Variants in SLC46A3 observed in about 807,000 individuals in gnomAD.
The protein encoded by SLC46A3 is lysosomal proton-coupled steroid conjugate and bile acid symporter SLC46A3.
A neutral mutation model predicts 38.5 loss-of-function variants in SLC46A3; 26 were observed. The observed-to-expected ratio is 0.68, with a 90% CI of 0.49 to 0.94. The LOEUF (loss-of-function observed/expected upper bound fraction) is 0.94, where lower values mean the gene tolerates loss of function less well. Among genes scored for constraint, SLC46A3 ranks in the 40% least tolerant of loss-of-function variants. SLC46A3 has a pLI of 0.00. For missense variants in SLC46A3, 510 were observed against 544.3 expected, an observed-to-expected ratio of 0.94 and a Z score of 0.63; for synonymous variants, 185 against 192.5, an observed-to-expected ratio of 0.96 and a Z score of 0.32.
At chr13:28,712,563 G>T in intron 3 of SLC46A3, 117 bp downstream of exon 3, 3 of 1,046,112 alleles carry the variant, frequency 2.9e-6, no homozygotes, top group East Asian at 2.9e-5. Flanking sequence ...CCCTTTAATT[G>T]AACTAGAATG....
chr13:28,710,885 G>C lies in SLC46A3; in HGVS notation c.1061-42C>G, dbSNP rs751246061. On this transcript the variant is annotated intron_variant, in intron 3 of 5. Transcript: ENST00000266943. ...TCAAAATCACTGGCTGATTCTGAAA[G>C]CTAATGGCCAATTTAAAATAGGAAA... is the stretch of plus-strand genomic sequence containing the variant. The C allele has an allele frequency of 7.1e-6, 10 of 1,416,384 alleles. No individual in the cohort carries two copies. In the Middle Eastern group the frequency reaches 7.0e-4, roughly 100 times the overall value. 87.7% of individuals were successfully genotyped at this position (1,416,384 alleles called of 1,614,324 possible).
chr13:28,709,667 C>T (rs1885286107), intron 4 of SLC46A3, among the ~76,000 whole-genome samples: 1 of 152,220 alleles, frequency 6.6e-6, no homozygotes, highest in Admixed American at 6.5e-5. Flanking sequence ...GTACCCTGCT[C>T]TGTGCTTTGG....
chr13:28,704,814 T>G (rs1050437217), intron 4 of SLC46A3, among the ~76,000 whole-genome samples: 2 of 152,218 alleles, frequency 1.3e-5, no homozygotes, highest in Admixed American at 6.5e-5. Flanking sequence ...TGCTTGCAAC[T>G]GCCTCTGCCC....
intron 2 of SLC46A3, among the ~76,000 whole-genome samples, chr13:28,716,520 G>C (rs1227014088): frequency 1.3e-5 from 2 of 152,022 alleles, no homozygotes; most frequent in Non-Finnish European, 2.9e-5. Context: ...ACTGTGAGCC[G>C]ATCGAAGCTT....
At chr13:28,716,583 G>C (rs1885535187) in intron 2 of SLC46A3, among the ~76,000 whole-genome samples, 1 of 152,108 alleles carries the variant, frequency 6.6e-6, no homozygotes, top group Non-Finnish European at 1.5e-5. Context: ...TAAGACCGCT[G>C]GGTGAGACTC....
chr13:28,703,888 G>A, intron 5 of SLC46A3, 55 bp downstream of exon 5: 1 of 1,513,944 alleles, frequency 6.6e-7, no homozygotes, highest in Non-Finnish European at 9.0e-7. Flanking sequence ...GTGAGGTTAG[G>A]GAATTCACTT....
In SLC46A3 at chr13:28,711,075, A is replaced by C. The variant is rs76770446; in HGVS notation, c.1061-232T>G. Among the ~76,000 whole-genome samples, 160 of 152,298 alleles carry C rather than the reference A, an allele frequency of 1.1e-3. 3 individuals carry two copies. In the East Asian group the frequency reaches 0.025, roughly 24 times the overall value. On this transcript the variant is annotated intron_variant, in intron 3 of 5. Transcript: ENST00000266943. ...CTAGAATTCTTATTCCAGTACAGAGAACAAGAGTTCATGTAATTTTTAGGT... is the reference window on the plus strand; with the variant it reads ...CTAGAATTCTTATTCCAGTACAGAGCACAAGAGTTCATGTAATTTTTAGGT...
chr13:28,701,189 A>G lies in SLC46A3; in HGVS notation c.*308T>C. 7.2e-7 allele frequency: 1 copy of G among 1,397,188 alleles called. No individual in the cohort carries two copies. The highest frequency in any genetic ancestry group is 9.3e-7 in the Non-Finnish European group (1 of 1,076,214). 86.5% of individuals were successfully genotyped at this position (1,397,188 alleles called of 1,614,324 possible). On this transcript the variant is annotated 3_prime_UTR_variant, in exon 6 of 6. Coordinates refer to ENST00000266943, the MANE Select transcript of SLC46A3 (RefSeq NM_181785.4). ...AGAGATTATTGCTTTTGACCTTATC[A>G]AGTTTCTTGATCCCTCCTTACACCC... is the stretch of plus-strand genomic sequence containing the variant.
At position 28,717,484 on chromosome 13, in the gene SLC46A3, A is replaced by AATTTTTTTTTTTTTTTTTTTTTTTTT. The variant is rs1322198755; in HGVS notation, c.189+325_189+326insAAAAAAAAAAAAAAAAAAAAAAAAAT. On this transcript the variant is annotated intron_variant, in intron 2 of 5. Transcript: ENST00000266943. ...CAGCCTGCCCTGCCCCAATTTTCAG[A>AATTTTTTTTTTTTTTTTTTTTTTTTT]CTTTTTTTTTTTTTTTTTTTTTTTT... 4.2e-3 allele frequency among the ~76,000 whole-genome samples: 393 copies of AATTTTTTTTTTTTTTTTTTTTTTTTT among 93,938 alleles called. 78 individuals are homozygous for AATTTTTTTTTTTTTTTTTTTTTTTTT. The highest frequency in any genetic ancestry group is 0.011 in the Middle Eastern group (2 of 184). The allele number at this position is 93,938 out of a possible 152,430, so 61.6% of individuals were successfully genotyped here.
intron 4 of SLC46A3, among the ~76,000 whole-genome samples, chr13:28,706,430 T>C (rs971829162): frequency 2.0e-5 from 3 of 152,152 alleles, no homozygotes; most frequent in Non-Finnish European, 4.4e-5. Context: ...ATCCAAAAGA[T>C]TGTTTAGTTT....
At chr13:28,703,209 C>T (rs1471049289) in intron 5 of SLC46A3, among the ~76,000 whole-genome samples, 1 of 152,030 alleles carries the variant, frequency 6.6e-6, no homozygotes, top group African/African-American at 2.4e-5. Flanking sequence ...AACGTTTAAA[C>T]AAGTCATTAA....
At chr13:28,704,444 C>T (rs1278009957) in intron 4 of SLC46A3, 1 of 182,486 alleles carries the variant, frequency 5.5e-6, no homozygotes, top group East Asian at 1.4e-4. Context: ...CAGGCAAAGC[C>T]ACACCTACCC....
chr13:28,704,718 T>C (rs1201119117), intron 4 of SLC46A3, among the ~76,000 whole-genome samples: 2 of 152,246 alleles, frequency 1.3e-5, no homozygotes, highest in Non-Finnish European at 2.9e-5. Flanking sequence ...GTTTGACTCA[T>C]CAAATTAACC....
chr13:28,712,291 T>C (rs1045360817), intron 3 of SLC46A3, among the ~76,000 whole-genome samples: 1 of 152,214 alleles, frequency 6.6e-6, no homozygotes, highest in Non-Finnish European at 1.5e-5. Context: ...TAAATTGATA[T>C]AGTTTTTTTC....
chr13:28,707,106 T>G (rs1397402032), intron 4 of SLC46A3, among the ~76,000 whole-genome samples: 1 of 152,090 alleles, frequency 6.6e-6, no homozygotes, highest in Non-Finnish European at 1.5e-5. Context: ...CACACGTATG[T>G]TTATTGTGGC....
intron 4 of SLC46A3, among the ~76,000 whole-genome samples, chr13:28,710,025 C>G (rs1034071571): frequency 1.3e-5 from 2 of 152,152 alleles, no homozygotes; most frequent in Non-Finnish European, 2.9e-5. Context: ...AAACTGTTAA[C>G]TAAAATATAT....
chr13:28,700,800 C>G lies in SLC46A3; in HGVS notation c.*697G>C. On this transcript the variant is annotated 3_prime_UTR_variant, in exon 6 of 6. Coordinates refer to ENST00000266943, the MANE Select transcript of SLC46A3 (RefSeq NM_181785.4). ...ATAGAAATATTATCATGCCTGTCAC[C>G]GATGAAACATATTAAGAAAAGTGAA... 1.7e-6 allele frequency: 1 copy of G among 573,082 alleles called. No individual in the cohort carries two copies. Among genetic ancestry groups the G allele is most frequent in the South Asian group, 3.2e-5 (1 of 31,406 alleles). 35.5% of individuals were successfully genotyped at this position (573,082 alleles called of 1,614,324 possible).
At chr13:28,714,188 C>T (rs1359383540) in intron 2 of SLC46A3, among the ~76,000 whole-genome samples, 1 of 146,108 alleles carries the variant, frequency 6.8e-6, no homozygotes, top group East Asian at 2.2e-4. Flanking sequence ...TTGGCTGTTG[C>T]CCTTATTTTT....
At position 28,713,222 on chromosome 13, in the gene SLC46A3, T is replaced by C; in HGVS notation, c.518A>G (p.Asp173Gly). ...KQKTIRIAII[D>G]FLLGLVTGLT... ...TCCAGTAACAAGTCCAAGTAGAAAG[T>C]CAATGATAGCTATTCGAATTGTTTT... Residue 173 changes from aspartate to glycine, a missense_variant, in exon 3 of 6, where the codon GAC (aspartate) becomes GGC (glycine). Physicochemically the swap from Asp to Gly is moderately conservative, Grantham distance 94 (BLOSUM62 -1). Transcript: ENST00000266943. 1 of 1,614,078 alleles carries C rather than the reference T, an allele frequency of 6.2e-7. No homozygotes were observed. The highest frequency in any genetic ancestry group is 8.5e-7 in the Non-Finnish European group (1 of 1,180,012).
Sources: allele counts gnomAD v4.1 joint callset (sites outside exome capture counted in the v4.1 genomes callset), GRCh38; gene constraint gnomAD v4.1.1; transcripts MANE v1.5; gene names NCBI Gene and HGNC (gene_info 2026-07-23, HGNC 2026-07-21).